The following HFM1 variants were observed in gnomAD, a reference collection of about 807,000 sequenced individuals.
The protein encoded by HFM1 is helicase for meiosis 1.
Under a neutral mutation model 192.1 loss-of-function variants are expected in HFM1, and 169 were observed. That is an observed-to-expected ratio of 0.88 (90% CI 0.78 to 1.00). The LOEUF (loss-of-function observed/expected upper bound fraction) is 1.00, where lower values mean the gene tolerates loss of function less well. Among genes scored for constraint, HFM1 ranks in the 50% least tolerant of loss-of-function variants. The pLI is 0.00. For missense variants in HFM1, 1,661 were observed against 1,668.0 expected (o/e 1.00, Z 0.07); for synonymous variants, 525 against 537.8 (o/e 0.98, Z 0.33).
intron 13 of HFM1, among the ~76,000 whole-genome samples, chr1:91,353,893 C>T (rs1657336279): frequency 6.8e-6 from 1 of 146,192 alleles, no homozygotes; most frequent in South Asian, 2.2e-4. Flanking sequence ...ACTAGTTGTG[C>T]AGACATCAAT....
intron 36 of HFM1, among the ~76,000 whole-genome samples, 154 bp downstream of exon 36, chr1:91,265,863 G>A (rs1665714217): frequency 6.6e-6 from 1 of 152,178 alleles, no homozygotes; most frequent in Non-Finnish European, 1.5e-5. Context: ...TTTCACAACA[G>A]CACTTTGAGA....
At chr1:91,271,984 G>A (rs2100741088) in intron 34 of HFM1, among the ~76,000 whole-genome samples, 1 of 152,126 alleles carries the variant, frequency 6.6e-6, no homozygotes, top group East Asian at 1.9e-4. Context: ...TAAATCTTAT[G>A]ATTCAACATG....
chr1:91,319,365 T>C lies in HFM1; in HGVS notation c.2608A>G (p.Ile870Val). 2 of 1,612,426 alleles carry C rather than the reference T, an allele frequency of 1.2e-6. No individual in the cohort carries two copies. Among genetic ancestry groups the C allele is most frequent in the Non-Finnish European group, 1.7e-6 (2 of 1,178,534 alleles). ...NCLIQAQLGC[I>V]PIQDFALTQD... ...GTCAAAGCAAAATCTTGTATGGGAA[T>C]GCATCCTAGTTGAGCCTGAATAAGA... Residue 870 changes from isoleucine (I) to valine (V), a missense_variant, in exon 24 of 39, where the codon ATT (isoleucine) becomes GTT (valine). By Grantham distance (29) the Ile-to-Val change is conservative. Transcript: ENST00000370425.
At chr1:91,288,722 G>C (rs921975768) in intron 30 of HFM1, among the ~76,000 whole-genome samples, 5 of 152,166 alleles carry the variant, frequency 3.3e-5, no homozygotes, top group Non-Finnish European at 7.3e-5. Flanking sequence ...AGCATCCCAA[G>C]GCAGATGAAT....
chr1:91,311,748 T>C (rs568881248), intron 30 of HFM1, among the ~76,000 whole-genome samples: 29 of 152,338 alleles, frequency 1.9e-4, no homozygotes, highest in Non-Finnish European at 3.4e-4. Context: ...AAGCCTAATG[T>C]TAAACCTCAA....
Position 91,319,393 on chromosome 1 carries a change from G to C in HFM1, c.2583-3C>G, listed in dbSNP as rs1651744405. 1.3e-6 allele frequency: 2 copies of C among 1,594,832 alleles called. No homozygotes were observed. The highest frequency in any genetic ancestry group is 2.7e-5 in the African/African-American group (2 of 74,392). ...ATCCTAGTTGAGCCTGAATAAGACT[G>C]GGGGAAAGAAAAAAAATTGTTACTC... On this transcript the variant is annotated splice_region_variant and splice_polypyrimidine_tract_variant and intron_variant, in intron 23 of 38. Transcript: ENST00000370425.
chr1:91,352,829 A>C lies in HFM1; in HGVS notation c.1832-178T>G, dbSNP rs190173631. On this transcript the variant is annotated intron_variant, in intron 15 of 38. Transcript: ENST00000370425. ...ACACCTTAAATCCAAAAACCTATTA[A>C]ATTCTTGTTTTTCAAATTACACCAT... 1.1e-3 allele frequency among the ~76,000 whole-genome samples: 162 copies of C among 152,048 alleles called. No homozygotes were observed. The Middle Eastern group carries it at 0.014, about 13-fold the overall frequency.
intron 30 of HFM1, among the ~76,000 whole-genome samples, chr1:91,280,342 A>G (rs1557770886): frequency 6.6e-6 from 1 of 152,362 alleles, no homozygotes; most frequent in Admixed American, 6.5e-5. Flanking sequence ...TGAAAGGTCA[A>G]TATGACTGAT....
At chr1:91,263,743 C>A (rs905655079) in intron 36 of HFM1, among the ~76,000 whole-genome samples, 1 of 152,172 alleles carries the variant, frequency 6.6e-6, no homozygotes, top group East Asian at 1.9e-4. Flanking sequence ...AGTAAAAAAG[C>A]AAATCTCCTT....
intron 30 of HFM1, among the ~76,000 whole-genome samples, chr1:91,304,777 C>A (rs935529192): frequency 6.6e-6 from 1 of 151,912 alleles, no homozygotes; most frequent in African/African-American, 2.4e-5. Flanking sequence ...CTGCACCTGG[C>A]GAGTTTTATA....
Position 91,380,212 on chromosome 1 carries a change from C to A in HFM1, c.898G>T (p.Val300Leu). ...CCAGAACCAGTTGGAGCACAAATCA[C>A]AAAATTCCTATCTGTGTAAAGAAGC... is the stretch of plus-strand genomic sequence containing the variant. ...DDLLYTDRNF[V>L]ICAPTGSGKT... is the part of the protein sequence containing the mutation. Residue 300 changes from valine to leucine, a missense_variant, in exon 8 of 39, where the codon GTG becomes TTG. Val to Leu is a conservative substitution (Grantham distance 32). Coordinates refer to ENST00000370425, the MANE Select transcript of HFM1 (RefSeq NM_001017975.6). The A allele has an allele frequency of 6.3e-7, 1 of 1,578,444 alleles. No individual in the cohort carries two copies. The highest frequency in any genetic ancestry group is 1.8e-5 in the Admixed American group (1 of 56,340).
intron 34 of HFM1, among the ~76,000 whole-genome samples, chr1:91,271,695 A>G (rs1392335822): frequency 2.6e-5 from 4 of 152,092 alleles, no homozygotes; most frequent in Admixed American, 2.6e-4. Flanking sequence ...ATAGATGGTT[A>G]CAGATGGATG....
intron 20 of HFM1, among the ~76,000 whole-genome samples, chr1:91,333,588 A>C (rs898848570): frequency 2.6e-5 from 4 of 152,110 alleles, no homozygotes; most frequent in Admixed American, 6.5e-5. Context: ...TAATAATTTG[A>C]CTGTACATTT....
chr1:91,373,180 A>C (rs1025116038), intron 13 of HFM1, among the ~76,000 whole-genome samples: 1 of 151,956 alleles, frequency 6.6e-6, no homozygotes, highest in Non-Finnish European at 1.5e-5. Context: ...AGAAGACTAA[A>C]TTGGCTCCTC....
In HFM1 at chr1:91,274,806, G is replaced by C. The variant is rs746457004; in HGVS notation, c.3592C>G (p.Gln1198Glu). 1.3e-6 allele frequency: 2 copies of C among 1,532,710 alleles called. No individual in the cohort carries two copies. The highest frequency in any genetic ancestry group is 1.8e-6 in the Non-Finnish European group (2 of 1,111,098). The allele number at this position is 1,532,710 out of a possible 1,614,324, so 94.9% of individuals were successfully genotyped here. The change falls in exon 33 of 39, where the codon CAG (glutamine) becomes GAG (glutamate). Residue 1198 changes from glutamine (Q) to glutamate (E), a missense_variant. By Grantham distance (29) the Gln-to-Glu change is conservative. Coordinates refer to ENST00000370425, the MANE Select transcript of HFM1 (RefSeq NM_001017975.6). ...SVPPVKRLKI[Q>E]MNKSQSVDLK... ...TCCACACTTTGAGATTTATTCATCT[G>C]TATCTATTAATGAAACAAAAATAAG...
intron 20 of HFM1, among the ~76,000 whole-genome samples, chr1:91,325,217 C>G (rs541085217): frequency 2.6e-5 from 4 of 152,296 alleles, no homozygotes; most frequent in African/African-American, 9.6e-5. Context: ...TTGGCACAAC[C>G]CCCTGAGGAC....
intron 36 of HFM1, 152 bp downstream of exon 36, chr1:91,265,865 A>T: frequency 9.9e-7 from 1 of 1,012,696 alleles, no homozygotes; most frequent in Non-Finnish European, 1.4e-6. Context: ...TCACAACAGC[A>T]CTTTGAGAAA....
intron 13 of HFM1, among the ~76,000 whole-genome samples, chr1:91,360,075 G>A (rs1658292651): frequency 6.6e-6 from 1 of 152,146 alleles, no homozygotes; most frequent in African/African-American, 2.4e-5. Context: ...AAATGCTGAG[G>A]GAAGTCGCCA....
chr1:91,283,384 C>T (rs1186747358), intron 30 of HFM1, among the ~76,000 whole-genome samples: 2 of 152,140 alleles, frequency 1.3e-5, no homozygotes, highest in Non-Finnish European at 2.9e-5. Context: ...GCTGGGACTA[C>T]AGGCATGCAC....
Sources: allele counts gnomAD v4.1 joint callset (sites outside exome capture counted in the v4.1 genomes callset), GRCh38; gene constraint gnomAD v4.1.1; transcripts MANE v1.5; gene names NCBI Gene and HGNC (gene_info 2026-07-23, HGNC 2026-07-21).